CROT: variants seen among roughly 807,000 people sequenced by gnomAD.
CROT encodes the protein carnitine O-octanoyltransferase.
A neutral mutation model predicts 89.2 loss-of-function variants in CROT; 84 were observed. The observed-to-expected ratio is 0.94, with a 90% CI of 0.79 to 1.13. CROT has a LOEUF of 1.13. Among genes scored for constraint, CROT ranks in the 50% most tolerant of loss-of-function variants. The pLI is 0.00. For missense variants in CROT, 711 were observed against 727.8 expected (o/e 0.98, Z 0.27); for synonymous variants, 212 against 239.5 (o/e 0.89, Z 1.06).
At position 87,365,061 on chromosome 7, in the gene CROT, C is replaced by T. The variant is rs192777046; in HGVS notation, c.547+3209C>T. Among the ~76,000 whole-genome samples, 12 of 152,130 alleles carry T rather than the reference C, an allele frequency of 7.9e-5. No individual in the cohort carries two copies. The East Asian group carries it at 1.4e-3, about 17-fold the overall frequency. ...GTGTGTTCATGCATTTAAAATTAGA[C>T]GAGATGACATGCTGTGTTTTTTTCT... On this transcript the variant is annotated intron_variant, in intron 6 of 17. Transcript: ENST00000331536.
At chr7:87,393,877 A>C (rs899381378) in intron 17 of CROT, among the ~76,000 whole-genome samples, 1 of 152,208 alleles carries the variant, frequency 6.6e-6, no homozygotes, top group Admixed American at 6.5e-5. Context: ...TAAATAAATG[A>C]GAAAATTTTT....
rs866567540 is a variant in CROT, at chr7:87,398,636, C to T, written c.1831C>T (p.His611Tyr). The T allele has an allele frequency of 3.7e-6, 6 of 1,613,080 alleles. No homozygotes were observed. The African/African-American group carries it at 6.7e-5, about 18-fold the overall frequency. Residue 611 changes from histidine to tyrosine, a missense_variant, in exon 18 of 18, where the codon CAT (histidine) becomes TAT (tyrosine). By Grantham distance (83) the His-to-Tyr change is moderately conservative (BLOSUM62 2). Transcript: ENST00000331536. ...TATGATACAGCTGATGAACTCTACT[C>T]ATCTTTAGAGATGAATCATCTATTA... ...HDMIQLMNST[H>Y]L
intron 7 of CROT, 138 bp downstream of exon 7, chr7:87,369,622 C>T: frequency 4.6e-6 from 1 of 217,870 alleles, no homozygotes; most frequent in Non-Finnish European, 7.7e-6. Flanking sequence ...AAAAAAAAAT[C>T]TATTTGTATT....
chr7:87,363,131 C>G (rs116958088), intron 6 of CROT, among the ~76,000 whole-genome samples: 1 of 152,116 alleles, frequency 6.6e-6, no homozygotes, highest in African/African-American at 2.4e-5. Flanking sequence ...TTGTCTTTAT[C>G]GCTTAGTAGG....
Position 87,349,174 on chromosome 7 carries a change from C to G in CROT, c.106C>G (p.Leu36Val). ...ACTTGAAGAATCATTAAAAAAATAC[C>G]TTGAATCAGGTATGTTAATAATCTT... ...PSLEESLKKYLESVKPFANQE... is the reference protein window; with the variant it reads ...PSLEESLKKYVESVKPFANQE... Residue 36 changes from leucine (L) to valine (V), a missense_variant, in exon 3 of 18, where the codon CTT becomes GTT. Physicochemically the swap from Leu to Val is conservative, Grantham distance 32. Transcript: ENST00000331536. 6.6e-7 allele frequency: 1 copy of G among 1,526,696 alleles called. No individual in the cohort carries two copies. The highest frequency in any genetic ancestry group is 9.0e-7 in the Non-Finnish European group (1 of 1,107,868). 94.6% of individuals were successfully genotyped at this position (1,526,696 alleles called of 1,614,324 possible).
At chr7:87,367,305 A>C (rs1237851023) in intron 6 of CROT, among the ~76,000 whole-genome samples, 1 of 152,204 alleles carries the variant, frequency 6.6e-6, no homozygotes, top group Non-Finnish European at 1.5e-5. Context: ...TGAAGATGGA[A>C]GAAGGGGTTC....
intron 3 of CROT, 100 bp downstream of exon 3, chr7:87,349,283 G>A: frequency 3.9e-6 from 2 of 518,184 alleles, no homozygotes; most frequent in East Asian, 3.3e-5. Flanking sequence ...CTCTAAGAGA[G>A]AGTTAGAGTT....
rs1171778256 is a variant in CROT, at chr7:87,382,040, A to G, written c.1063-34A>G. ...ATCTTTTTTCTCCTAATAGTTCTAT[A>G]GATAAAATATTTTTAAGTCTTCCCT... On this transcript the variant is annotated intron_variant, in intron 11 of 17. Transcript: ENST00000331536. The G allele has an allele frequency of 9.5e-6, 15 of 1,573,098 alleles. No homozygotes were observed. The Admixed American group carries it at 2.5e-4, about 27-fold the overall frequency.
intron 3 of CROT, among the ~76,000 whole-genome samples, chr7:87,355,551 T>C (rs1470783366): frequency 6.6e-6 from 1 of 152,214 alleles, no homozygotes; most frequent in Non-Finnish European, 1.5e-5. Context: ...CTTCCCTCAA[T>C]TGAGAGATGC....
chr7:87,396,367 G>C (rs376655381), intron 17 of CROT, among the ~76,000 whole-genome samples: 3 of 152,282 alleles, frequency 2.0e-5, no homozygotes, highest in Admixed American at 6.5e-5. Context: ...GCCAAATGAC[G>C]AGGAGGAAGA....
rs186931675 is a variant in CROT at position 87,396,134 on chromosome 7, G to A, written c.1719-2390G>A. On this transcript the variant is annotated intron_variant, in intron 17 of 17. Coordinates refer to ENST00000331536, the MANE Select transcript of CROT (RefSeq NM_021151.4). ...AAAAGTGGAGGGTGAAGGATTTCAA[G>A]GTATGGATGTTGGGCCAGTTTCAGT... Among the ~76,000 whole-genome samples the A allele has an allele frequency of 2.0e-4, 30 of 152,308 alleles. No homozygotes were observed. The East Asian group carries it at 5.4e-3, about 27-fold the overall frequency.
Position 87,349,090 on chromosome 7 carries a change from T to G in CROT, c.22T>G (p.Ser8Ala). The change falls in exon 3 of 18, where the codon TCA becomes GCA. Residue 8 changes from serine (S) to alanine (A), a missense_variant. By Grantham distance (99) the Ser-to-Ala change is moderately conservative. Transcript: ENST00000331536. ...TATCATGGAAAATCAATTGGCTAAA[T>G]CAACTGAAGAACGAACATTTCAGTA... MENQLAK[S>A]TEERTFQYQD... 1 of 1,602,040 alleles carries G rather than the reference T, an allele frequency of 6.2e-7. No individual in the cohort carries two copies. The highest frequency in any genetic ancestry group is 8.5e-7 in the Non-Finnish European group (1 of 1,172,200).
chr7:87,349,243 C>T (rs1805794972), intron 3 of CROT, 60 bp downstream of exon 3: 1 of 807,086 alleles, frequency 1.2e-6, no homozygotes, highest in Non-Finnish European at 1.9e-6. Flanking sequence ...AACTGTGATA[C>T]TGTTGCTGGA....
chr7:87,362,133 A>G (rs1332997338), intron 6 of CROT, among the ~76,000 whole-genome samples: 1 of 152,180 alleles, frequency 6.6e-6, no homozygotes, highest in Non-Finnish European at 1.5e-5. Flanking sequence ...TATTAAGAAA[A>G]TCCTGAAACA....
chr7:87,355,590 C>T (rs927592693), intron 3 of CROT, among the ~76,000 whole-genome samples: 1 of 152,110 alleles, frequency 6.6e-6, no homozygotes, highest in African/African-American at 2.4e-5. Context: ...GAATGAAAAT[C>T]ATCAAGACCA....
rs1807411585 is a variant in CROT at position 87,392,820 on chromosome 7, A to G, written c.1595A>G (p.Lys532Arg). 1.9e-6 allele frequency: 3 copies of G among 1,613,046 alleles called. No homozygotes were observed. Among genetic ancestry groups the G allele is most frequent in the Admixed American group, 3.3e-5 (2 of 59,866 alleles). Residue 532 changes from lysine (K) to arginine (R), a missense_variant, in exon 16 of 18, where the codon AAA becomes AGA. By Grantham distance (26) the Lys-to-Arg change is conservative (BLOSUM62 2). Coordinates refer to ENST00000331536, the MANE Select transcript of CROT (RefSeq NM_021151.4). ...CTCTTTACGGACCCACTTTTTTCCA[A>G]AAGGTAATATAGTGTAGTGTTTTAC... ...PELFTDPLFS[K>R]SGGGGNFVLS...
At chr7:87,349,443 A>C (rs918055640) in intron 3 of CROT, among the ~76,000 whole-genome samples, 2 of 152,220 alleles carry the variant, frequency 1.3e-5, no homozygotes, top group African/African-American at 4.8e-5. Flanking sequence ...GGTCTTATCG[A>C]TGTAAAGACT....
At chr7:87,346,488 A>G (rs1805681766) in intron 2 of CROT, 58 bp downstream of exon 2, 1 of 152,174 alleles carries the variant, frequency 6.6e-6, no homozygotes, top group African/African-American at 2.4e-5. Context: ...CTGTGAATTC[A>G]TATCTAATTG....
At chr7:87,365,721 C>T (rs1447710108) in intron 6 of CROT, among the ~76,000 whole-genome samples, 2 of 151,294 alleles carry the variant, frequency 1.3e-5, no homozygotes, top group Admixed American at 1.3e-4. Context: ...AGTCCTCCCA[C>T]TTCAGCCTCC....
Sources: gnomAD v4.1 joint callset for allele counts (sites outside exome capture counted in the v4.1 genomes callset) on GRCh38, gnomAD v4.1.1 for gene constraint, MANE v1.5 for transcripts, NCBI Gene and HGNC (gene_info 2026-07-23, HGNC 2026-07-21) for gene names.